Variants in SH3RF3 observed in about 807,000 individuals in gnomAD.
SH3RF3 encodes the protein SH3 domain containing ring finger 3.
Under a neutral mutation model 66.3 loss-of-function variants are expected in SH3RF3, and 29 were observed. The observed-to-expected ratio is 0.44, with a 90% CI of 0.33 to 0.60. The LOEUF is 0.60. SH3RF3 is among the 20% of genes least tolerant of loss of function. SH3RF3 has a pLI of 0.04. For synonymous variants in SH3RF3, 583 were observed against 532.0 expected (o/e 1.10, Z -1.32); for missense variants, 1,194 against 1,190.9 (o/e 1.00, Z -0.04).
intron 1 of SH3RF3, among the ~76,000 whole-genome samples, chr2:109,335,955 A>T (rs1028205814): frequency 1.3e-5 from 2 of 152,218 alleles, no homozygotes; most frequent in African/African-American, 4.8e-5. Flanking sequence ...GGAGTGGGAT[A>T]TGTCGGTGAG....
chr2:109,234,770 A>G (rs781716738), intron 1 of SH3RF3, among the ~76,000 whole-genome samples: 8 of 152,332 alleles, frequency 5.3e-5, no homozygotes, highest in Middle Eastern at 3.4e-3. Flanking sequence ...ATTTGCTGAA[A>G]CAAATTACAT....
chr2:109,344,499 C>T (rs376235534), intron 1 of SH3RF3, among the ~76,000 whole-genome samples: 34 of 152,172 alleles, frequency 2.2e-4, no homozygotes, highest in Admixed American at 3.9e-4. Flanking sequence ...GCTGCCGTGC[C>T]GAGGAGCTCG....
At chr2:109,185,368 G>T (rs1678161980) in intron 1 of SH3RF3, among the ~76,000 whole-genome samples, 1 of 152,220 alleles carries the variant, frequency 6.6e-6, no homozygotes, top group Non-Finnish European at 1.5e-5. Context: ...CATCAGAGAA[G>T]AGTGAAGACA....
At chr2:109,178,023 C>T (rs1298112401) in intron 1 of SH3RF3, among the ~76,000 whole-genome samples, 2 of 152,134 alleles carry the variant, frequency 1.3e-5, no homozygotes, top group African/African-American at 4.8e-5. Context: ...AATCTTTTCT[C>T]CCAATTGTTC....
In SH3RF3 at chr2:109,264,779, C is replaced by T. The variant is rs1163584705; in HGVS notation, c.574-82895C>T. Among the ~76,000 whole-genome samples, 5 of 152,196 alleles carry T rather than the reference C, an allele frequency of 3.3e-5. No homozygotes were observed. In the East Asian group the frequency reaches 9.6e-4, roughly 29 times the overall value. ...GCGGGCATCTCATTCTTCTGAGGGC[C>T]GTGGAGTCTGGCCATCACCTACCGT... On this transcript the variant is annotated intron_variant, in intron 1 of 9. Transcript: ENST00000309415.
rs139692252 is a variant in SH3RF3, at chr2:109,498,585, G to A, written c.2481-2918G>A. 3.5e-3 allele frequency among the ~76,000 whole-genome samples: 539 copies of A among 152,320 alleles called. 4 individuals carry two copies. The highest frequency in any genetic ancestry group is 0.012 in the African/African-American group (497 of 41,576). ...GAGCATGCACTCAGCTCGATTTTCA[G>A]ACACCAATGTGCAAGCATTCCCTCC... On this transcript the variant is annotated intron_variant, in intron 9 of 9. Coordinates refer to ENST00000309415, the MANE Select transcript of SH3RF3 (RefSeq NM_001099289.3).
rs571908961 is a variant in SH3RF3, at chr2:109,195,668, G to C, written c.573+65555G>C. On this transcript the variant is annotated intron_variant, in intron 1 of 9. Coordinates refer to ENST00000309415, the MANE Select transcript of SH3RF3 (RefSeq NM_001099289.3). ...CTCTGACCGTGTGCCAGAGAGCTCC[G>C]CGTTTGCATCTTATTTTTCTGAGCA... Among the ~76,000 whole-genome samples the C allele has an allele frequency of 2.6e-4, 39 of 152,266 alleles. 1 individual carries two copies. The highest frequency in any genetic ancestry group is 8.9e-4 in the African/African-American group (37 of 41,546).
In SH3RF3 at chr2:109,337,535, C is replaced by T. The variant is rs528499226; in HGVS notation, c.574-10139C>T. Among the ~76,000 whole-genome samples the T allele has an allele frequency of 2.0e-5, 3 of 152,370 alleles. No homozygotes were observed. The East Asian group carries it at 5.8e-4, about 29-fold the overall frequency. The stretch of plus-strand genomic sequence containing the variant: ...AGGCACCCCCGGTCACAGGATCACC[C>T]TCAGCGTTTCCACCCTGCCCAAGAG... On this transcript the variant is annotated intron_variant, in intron 1 of 9. Transcript: ENST00000309415.
intron 1 of SH3RF3, among the ~76,000 whole-genome samples, chr2:109,133,405 T>C (rs1676741507): frequency 6.6e-6 from 1 of 152,236 alleles, no homozygotes; most frequent in African/African-American, 2.4e-5. Context: ...ATCATAAAAT[T>C]ATATTTGTTA....
chr2:109,411,206 T>C (rs1676580365), intron 4 of SH3RF3, among the ~76,000 whole-genome samples: 1 of 152,182 alleles, frequency 6.6e-6, no homozygotes, highest in South Asian at 2.1e-4. Context: ...GCGCCATTGG[T>C]TGGGGGCTGA....
intron 2 of SH3RF3, among the ~76,000 whole-genome samples, chr2:109,369,345 C>G (rs1683216592): frequency 6.6e-6 from 1 of 151,990 alleles, no homozygotes; most frequent in South Asian, 2.1e-4. Flanking sequence ...AAGACTCCGT[C>G]TAAAAAAAGA....
chr2:109,200,451 A>G (rs1051106141), intron 1 of SH3RF3, among the ~76,000 whole-genome samples: 2 of 151,836 alleles, frequency 1.3e-5, no homozygotes, highest in African/African-American at 4.8e-5. Context: ...GTCCCTGGGT[A>G]TGGCTGTGAC....
At chr2:109,372,411 G>A (rs1559048375) in intron 3 of SH3RF3, among the ~76,000 whole-genome samples, 2 of 152,202 alleles carry the variant, frequency 1.3e-5, no homozygotes, top group East Asian at 1.9e-4. Context: ...GTGCACATTG[G>A]TGAGCTGACC....
At chr2:109,226,730 G>A (rs1434107800) in intron 1 of SH3RF3, among the ~76,000 whole-genome samples, 5 of 152,208 alleles carry the variant, frequency 3.3e-5, no homozygotes, top group East Asian at 3.8e-4. Flanking sequence ...CGCAGAAGGC[G>A]TGGTGCTGGA....
intron 7 of SH3RF3, among the ~76,000 whole-genome samples, chr2:109,443,620 T>C (rs754913051): frequency 6.6e-6 from 1 of 152,146 alleles, no homozygotes; most frequent in African/African-American, 2.4e-5. Context: ...CTTAATCAGA[T>C]AGAGCAGAAT....
intron 1 of SH3RF3, among the ~76,000 whole-genome samples, chr2:109,228,457 G>A (rs1679425538): frequency 6.6e-6 from 1 of 152,164 alleles, no homozygotes; most frequent in East Asian, 1.9e-4. Flanking sequence ...TGTGTGTGGG[G>A]TTTTGCCACA....
intron 1 of SH3RF3, among the ~76,000 whole-genome samples, chr2:109,202,287 G>A (rs1431451398): frequency 2.0e-5 from 3 of 152,150 alleles, no homozygotes; most frequent in Non-Finnish European, 4.4e-5. Context: ...TCTCGGCAGC[G>A]TCTGGACCCC....
Position 109,287,340 on chromosome 2 carries a change from A to G in SH3RF3, c.574-60334A>G, listed in dbSNP as rs142929119. 3.8e-3 allele frequency among the ~76,000 whole-genome samples: 579 copies of G among 152,292 alleles called. 5 individuals carry two copies. Among genetic ancestry groups the G allele is most frequent in the African/African-American group, 0.013 (542 of 41,574 alleles). On this transcript the variant is annotated intron_variant, in intron 1 of 9. Transcript: ENST00000309415. ...GAGGCGATACCAGTGTCTGCAGACCATAAGAAAGTACATCTTGACTCTGAA... is the reference window on the plus strand; with the variant it reads ...GAGGCGATACCAGTGTCTGCAGACCGTAAGAAAGTACATCTTGACTCTGAA...
rs116005999 is a variant in SH3RF3 at position 109,368,012 on chromosome 2, A to C, written c.850-3574A>C. Among the ~76,000 whole-genome samples the C allele has an allele frequency of 2.2e-3, 329 of 152,354 alleles. 1 individual carries two copies. The highest frequency in any genetic ancestry group is 7.1e-3 in the African/African-American group (296 of 41,586). On this transcript the variant is annotated intron_variant, in intron 2 of 9. Coordinates refer to ENST00000309415, the MANE Select transcript of SH3RF3 (RefSeq NM_001099289.3). ...TTGACAGGCAAAGGAACAAAAGGGGAATCTTCCTGTTTAAAACTGTGTTTG... is the reference window on the plus strand; with the variant it reads ...TTGACAGGCAAAGGAACAAAAGGGGCATCTTCCTGTTTAAAACTGTGTTTG...
Sources: gnomAD v4.1 joint callset for allele counts (sites outside exome capture counted in the v4.1 genomes callset) on GRCh38, gnomAD v4.1.1 for gene constraint, MANE v1.5 for transcripts, NCBI Gene and HGNC (gene_info 2026-07-23, HGNC 2026-07-21) for gene names.